ADORA2B: variants seen among roughly 807,000 people sequenced by gnomAD.
ADORA2B encodes adenosine A2b receptor, also known as adenosine receptor A2b.
In ADORA2B, 18 loss-of-function variants were observed where a neutral mutation model predicts 20.8. That is an observed-to-expected ratio of 0.87 (90% CI 0.60 to 1.29). The LOEUF (loss-of-function observed/expected upper bound fraction) is 1.29, where lower values mean the gene tolerates loss of function less well. Among genes scored for constraint, ADORA2B ranks in the 50% most tolerant of loss-of-function variants. The probability of loss-of-function intolerance (pLI) is 0.00; values close to 1 mark genes in which losing one functional copy is unlikely to be tolerated. For missense variants in ADORA2B, 441 were observed against 422.7 expected, an observed-to-expected ratio of 1.04 and a Z score of -0.38; for synonymous variants, 179 against 178.3, an observed-to-expected ratio of 1.00 and a Z score of -0.03.
At chr17:15,958,249 G>C (rs2535612) in intron 1 of ADORA2B, among the ~76,000 whole-genome samples, 139,682 of 152,128 alleles carry the variant, frequency 0.92, 65,022 homozygotes, top group Non-Finnish European at 0.99. Flanking sequence ...AACTCCCAAC[G>C]TCAGGTGATC....
At chr17:15,876,410 A>AG in the ADORA2B span, among the ~76,000 whole-genome samples, 27 of 138,624 alleles carry the variant, frequency 1.9e-4, no homozygotes, top group African/African-American at 6.9e-4. Flanking sequence ...GTATAGCTTA[A>AG]GGTCTTTTTT....
chr17:15,917,314 C>A, the ADORA2B span, among the ~76,000 whole-genome samples: 1 of 152,218 alleles, frequency 6.6e-6, no homozygotes, highest in African/African-American at 2.4e-5. Flanking sequence ...CCACGGTACG[C>A]TGGTGTCCTC....
At chr17:15,927,178 C>G in the ADORA2B span, among the ~76,000 whole-genome samples, 3 of 151,236 alleles carry the variant, frequency 2.0e-5, no homozygotes, top group South Asian at 2.1e-4. Context: ...GAAACCCCAT[C>G]TCTACTAAAA....
At chr17:15,886,158 C>T in the ADORA2B span, among the ~76,000 whole-genome samples, 2 of 152,206 alleles carry the variant, frequency 1.3e-5, no homozygotes, top group Non-Finnish European at 2.9e-5. Flanking sequence ...AAGAACCTCT[C>T]AGTGCCATTA....
At chr17:15,877,140 C>T in the ADORA2B span, among the ~76,000 whole-genome samples, 3 of 152,114 alleles carry the variant, frequency 2.0e-5, no homozygotes, top group Admixed American at 1.3e-4. Flanking sequence ...ATATATTTAA[C>T]TTCTAGGATT....
the ADORA2B span, among the ~76,000 whole-genome samples, chr17:15,851,080 C>A: frequency 6.6e-6 from 1 of 152,068 alleles, no homozygotes; most frequent in Non-Finnish European, 1.5e-5. Flanking sequence ...AGCCATACTT[C>A]TACTGATAGA....
At chr17:15,931,974 C>T in the ADORA2B span, among the ~76,000 whole-genome samples, 35 of 152,042 alleles carry the variant, frequency 2.3e-4, no homozygotes, top group African/African-American at 8.2e-4. Context: ...TCAGGTGATC[C>T]GCCCGCCTCA....
the ADORA2B span, among the ~76,000 whole-genome samples, chr17:15,913,804 C>T: frequency 6.6e-6 from 1 of 152,222 alleles, no homozygotes; most frequent in African/African-American, 2.4e-5. Context: ...CTATTTATAT[C>T]ACCCTTTAAA....
At chr17:15,873,206 T>C in the ADORA2B span, among the ~76,000 whole-genome samples, 1 of 152,194 alleles carries the variant, frequency 6.6e-6, no homozygotes, top group Non-Finnish European at 1.5e-5. Context: ...GTCACATTTA[T>C]TGATTTATGT....
At chr17:15,886,111 A>G in the ADORA2B span, among the ~76,000 whole-genome samples, 1 of 152,206 alleles carries the variant, frequency 6.6e-6, no homozygotes, top group Non-Finnish European at 1.5e-5. Flanking sequence ...GTTTCGTCAC[A>G]CAGCACATCA....
the ADORA2B span, among the ~76,000 whole-genome samples, chr17:15,931,222 T>G: frequency 0.17 from 25,922 of 152,138 alleles, 2,354 homozygotes; most frequent in Non-Finnish European, 0.2. Context: ...ATGTAATGTC[T>G]ATGTTATTCC....
chr17:15,887,341 A>G, the ADORA2B span, among the ~76,000 whole-genome samples: 4 of 131,054 alleles, frequency 3.1e-5, no homozygotes, highest in Admixed American at 1.5e-4. Flanking sequence ...TAAAAAGCAA[A>G]TTATTCCAAA....
At chr17:15,875,159 A>G in the ADORA2B span, among the ~76,000 whole-genome samples, 3 of 152,238 alleles carry the variant, frequency 2.0e-5, no homozygotes, top group Admixed American at 2.0e-4. Context: ...TTTCTAAGAA[A>G]GCTCTGTGTT....
chr17:15,928,940 G>T, the ADORA2B span, among the ~76,000 whole-genome samples: 2 of 152,138 alleles, frequency 1.3e-5, no homozygotes, highest in Non-Finnish European at 2.9e-5. Context: ...TGGAGAGGCT[G>T]GGTTGTTACG....
chr17:15,916,982 G>A, the ADORA2B span, among the ~76,000 whole-genome samples: 2 of 152,160 alleles, frequency 1.3e-5, no homozygotes, highest in Non-Finnish European at 2.9e-5. Context: ...CTCCACCATC[G>A]GCCACCTGTC....
intron 1 of ADORA2B, among the ~76,000 whole-genome samples, chr17:15,973,653 A>G (rs1970213490): frequency 6.6e-6 from 1 of 152,130 alleles, no homozygotes; most frequent in South Asian, 2.1e-4. Context: ...TGCGCTCCTT[A>G]TGAGAATCTA....
At chr17:15,968,371 C>T (rs1970146662) in intron 1 of ADORA2B, among the ~76,000 whole-genome samples, 1 of 152,178 alleles carries the variant, frequency 6.6e-6, no homozygotes, top group Non-Finnish European at 1.5e-5. Context: ...TGCAACCAAC[C>T]CCCTGTGTGT....
chr17:15,906,472 T>C, the ADORA2B span, among the ~76,000 whole-genome samples: 1 of 152,246 alleles, frequency 6.6e-6, no homozygotes, highest in African/African-American at 2.4e-5. Flanking sequence ...GATCATGATA[T>C]ATTATACTTT....
the ADORA2B span, among the ~76,000 whole-genome samples, chr17:15,936,758 C>T: frequency 7.2e-5 from 11 of 152,156 alleles, 1 homozygote; most frequent in Non-Finnish European, 8.8e-5. Flanking sequence ...GAGTTTGAGA[C>T]CAGGCCGGAA....
Sources: allele counts gnomAD v4.1 joint callset (sites outside exome capture counted in the v4.1 genomes callset), GRCh38; gene constraint gnomAD v4.1.1; transcripts MANE v1.5; gene names NCBI Gene and HGNC (gene_info 2026-07-23, HGNC 2026-07-21).